The following ACOXL variants were observed in gnomAD, a reference collection of about 807,000 sequenced individuals.
ACOXL encodes the protein acyl-coenzyme A oxidase-like protein.
In ACOXL, 70 loss-of-function variants were observed where a neutral mutation model predicts 71.9. The observed-to-expected ratio is 0.97, with a 90% CI of 0.80 to 1.19. ACOXL has a LOEUF of 1.19. Among genes scored for constraint, ACOXL ranks in the 50% most tolerant of loss-of-function variants. The pLI is 0.00. For missense variants in ACOXL, 703 were observed against 736.3 expected (o/e 0.95, Z 0.52); for synonymous variants, 253 against 281.6 (o/e 0.90, Z 1.02).
intron 15 of ACOXL, among the ~76,000 whole-genome samples, chr2:111,046,097 A>G (rs765631443): frequency 6.6e-6 from 1 of 152,274 alleles, no homozygotes; most frequent in Non-Finnish European, 1.5e-5. Context: ...CATGTGTCAC[A>G]TCAAGGCATC....
chr2:110,854,117 G>A (rs192091277), intron 10 of ACOXL, among the ~76,000 whole-genome samples: 29 of 152,220 alleles, frequency 1.9e-4, no homozygotes, highest in African/African-American at 5.3e-4. Flanking sequence ...GTCTGTGTGC[G>A]TGTGCATGTG....
chr2:110,906,700 C>T (rs1199642242), intron 10 of ACOXL, among the ~76,000 whole-genome samples: 1 of 152,040 alleles, frequency 6.6e-6, no homozygotes, highest in African/African-American at 2.4e-5. Context: ...AAAATGTCCT[C>T]AAGTGAAGCT....
chr2:110,999,773 A>G (rs371216371), intron 14 of ACOXL, among the ~76,000 whole-genome samples: 1 of 152,156 alleles, frequency 6.6e-6, no homozygotes, highest in Non-Finnish European at 1.5e-5. Context: ...CTTCCTGCCC[A>G]CAACCACATG....
intron 2 of ACOXL, among the ~76,000 whole-genome samples, chr2:110,776,198 T>A (rs1315578718): frequency 6.6e-6 from 1 of 152,162 alleles, no homozygotes; most frequent in Non-Finnish European, 1.5e-5. Flanking sequence ...CACTGTTACA[T>A]GAAGTATTTA....
At chr2:110,978,944 TTTG>T (rs1484210168) in intron 12 of ACOXL, among the ~76,000 whole-genome samples, 1 of 152,034 alleles carries the variant, frequency 6.6e-6, no homozygotes, top group Non-Finnish European at 1.5e-5. Flanking sequence ...CACTGGACGG[TTTG>T]TTGTTGTCAT....
intron 17 of ACOXL, among the ~76,000 whole-genome samples, chr2:111,109,028 A>G (rs2069756967): frequency 1.3e-5 from 2 of 152,106 alleles, no homozygotes; most frequent in Non-Finnish European, 2.9e-5. Context: ...CCAAATGCTC[A>G]TCTCTCTAGA....
intron 2 of ACOXL, among the ~76,000 whole-genome samples, chr2:110,777,329 G>T (rs886289831): frequency 6.6e-6 from 1 of 152,100 alleles, no homozygotes; most frequent in Admixed American, 6.5e-5. Context: ...TAGAGGTAGG[G>T]ACAAGTGTAA....
chr2:110,740,526 C>T (rs866794471), intron 1 of ACOXL, among the ~76,000 whole-genome samples: 5 of 152,182 alleles, frequency 3.3e-5, no homozygotes, highest in Non-Finnish European at 4.4e-5. Flanking sequence ...CATAAATATC[C>T]CAGACATCCT....
At chr2:110,949,799 A>G (rs1283677410) in intron 12 of ACOXL, among the ~76,000 whole-genome samples, 1 of 152,190 alleles carries the variant, frequency 6.6e-6, no homozygotes, top group East Asian at 1.9e-4. Flanking sequence ...GGAAGGACGA[A>G]CAAGGCCAGA....
intron 11 of ACOXL, among the ~76,000 whole-genome samples, chr2:110,921,986 A>T (rs887099926): frequency 6.6e-6 from 1 of 152,192 alleles, no homozygotes; most frequent in South Asian, 2.1e-4. Context: ...ATGTACACTT[A>T]AAAAGGATGT....
intron 5 of ACOXL, 65 bp downstream of exon 5, chr2:110,794,239 T>G: frequency 5.4e-6 from 8 of 1,469,564 alleles, no homozygotes; most frequent in Non-Finnish European, 6.6e-6. Flanking sequence ...ACAGATCTCC[T>G]TCTTTCTGTG....
At chr2:110,763,630 G>C (rs13421066) in intron 1 of ACOXL, among the ~76,000 whole-genome samples, 217 of 152,218 alleles carry the variant, frequency 1.4e-3, no homozygotes, top group African/African-American at 4.9e-3. Context: ...CTTTGCATTT[G>C]GTGATGACTT....
At chr2:111,020,597 A>G (rs2064706511) in intron 14 of ACOXL, among the ~76,000 whole-genome samples, 1 of 152,148 alleles carries the variant, frequency 6.6e-6, no homozygotes, top group African/African-American at 2.4e-5. Context: ...GCATGTGCAT[A>G]TGTGTGTGTA....
intron 9 of ACOXL, among the ~76,000 whole-genome samples, chr2:110,817,402 C>T (rs756675712): frequency 1.4e-4 from 21 of 151,772 alleles, no homozygotes; most frequent in South Asian, 4.1e-4. Context: ...TTGAGGATTA[C>T]GGAATGACTT....
At chr2:110,982,849 G>A (rs368816145) in intron 12 of ACOXL, among the ~76,000 whole-genome samples, 17 of 152,320 alleles carry the variant, frequency 1.1e-4, no homozygotes, top group East Asian at 9.6e-4. Context: ...AGATTTGTGC[G>A]GTGGTACAGG....
chr2:110,966,049 G>A (rs986458437), intron 12 of ACOXL, among the ~76,000 whole-genome samples: 7 of 152,148 alleles, frequency 4.6e-5, no homozygotes, highest in Non-Finnish European at 5.9e-5. Flanking sequence ...CCCGACCGCC[G>A]TTGACAATTT....
intron 9 of ACOXL, among the ~76,000 whole-genome samples, chr2:110,809,271 G>T (rs1376629561): frequency 6.6e-6 from 1 of 152,246 alleles, no homozygotes; most frequent in Non-Finnish European, 1.5e-5. Flanking sequence ...AGGCACTGGG[G>T]TCGTGCTCAC....
intron 9 of ACOXL, among the ~76,000 whole-genome samples, chr2:110,825,736 C>T (rs924374975): frequency 1.3e-5 from 2 of 152,132 alleles, no homozygotes; most frequent in Non-Finnish European, 2.9e-5. Context: ...CAGGCTGCAT[C>T]AAATGTCCTT....
intron 12 of ACOXL, among the ~76,000 whole-genome samples, chr2:110,938,887 G>T (rs1178875562): frequency 6.6e-6 from 1 of 151,764 alleles, no homozygotes; most frequent in Non-Finnish European, 1.5e-5. Context: ...TTTGGAGGGA[G>T]AAAGAACACT....
Sources: allele counts gnomAD v4.1 joint callset (sites outside exome capture counted in the v4.1 genomes callset), GRCh38; gene constraint gnomAD v4.1.1; transcripts MANE v1.5; gene names NCBI Gene and HGNC (gene_info 2026-07-23, HGNC 2026-07-21).